The following AVEN variants were observed in gnomAD, a reference collection of about 807,000 sequenced individuals.
The protein encoded by AVEN is cell death regulator Aven.
In AVEN, 41 loss-of-function variants were observed where a neutral mutation model predicts 38.1. The ratio of observed to expected loss-of-function variants is 1.08; its 90% CI spans 0.84 to 1.40. AVEN has a LOEUF of 1.40. Ranked by LOEUF, AVEN falls within the 40% of genes most tolerant of loss-of-function variation. The probability of loss-of-function intolerance (pLI) is 0.00; values close to 1 mark genes in which losing one functional copy is unlikely to be tolerated. For missense variants in AVEN, 605 were observed against 438.8 expected (o/e 1.38, Z -3.38); for synonymous variants, 206 against 171.8 (o/e 1.20, Z -1.56).
chr15:33,867,273 C>T (rs1890629891), intron 5 of AVEN, among the ~76,000 whole-genome samples: 2 of 152,150 alleles, frequency 1.3e-5, no homozygotes, highest in South Asian at 4.1e-4. Flanking sequence ...TGCAGTCAGG[C>T]AGGTAGCAGC....
chr15:33,866,546 A>G lies in AVEN; in HGVS notation c.*67T>C. ...CTTGTAAACTGGCTGGTCCTGAAGGACAGCCTTATGCCCACCTGCCGTTAG... is the reference window on the plus strand; with the variant it reads ...CTTGTAAACTGGCTGGTCCTGAAGGGCAGCCTTATGCCCACCTGCCGTTAG... On this transcript the variant is annotated 3_prime_UTR_variant, in exon 6 of 6. Transcript: ENST00000306730. 1 of 1,212,306 alleles carries G rather than the reference A, an allele frequency of 8.2e-7. No individual in the cohort carries two copies. The highest frequency in any genetic ancestry group is 1.2e-6 in the Non-Finnish European group (1 of 824,658). 75.1% of individuals were successfully genotyped at this position (1,212,306 alleles called of 1,614,324 possible).
intron 2 of AVEN, among the ~76,000 whole-genome samples, chr15:33,954,062 C>T (rs1043303893): frequency 6.6e-6 from 1 of 152,312 alleles, no homozygotes; most frequent in African/African-American, 2.4e-5. Context: ...TGCTCATCAT[C>T]ACTGGTCATC....
intron 2 of AVEN, among the ~76,000 whole-genome samples, chr15:33,967,938 G>GAA (rs1567438808): frequency 1.9e-5 from 2 of 105,124 alleles, no homozygotes; most frequent in African/African-American, 3.4e-5. Context: ...CATACATTTA[G>GAA]GAAAAAAAAA....
chr15:33,901,049 G>C (rs973233525), intron 2 of AVEN, among the ~76,000 whole-genome samples: 1 of 152,142 alleles, frequency 6.6e-6, no homozygotes, highest in Non-Finnish European at 1.5e-5. Flanking sequence ...GGCACATCAC[G>C]AGGTCAGGAG....
At chr15:34,028,616 A>G (rs201495855) in intron 1 of AVEN, among the ~76,000 whole-genome samples, 1 of 152,224 alleles carries the variant, frequency 6.6e-6, no homozygotes. Context: ...GAGAGAGGAC[A>G]GCAAAGTGGC....
At chr15:33,936,987 C>A (rs1011249284) in intron 2 of AVEN, among the ~76,000 whole-genome samples, 1 of 151,314 alleles carries the variant, frequency 6.6e-6, no homozygotes, top group Non-Finnish European at 1.5e-5. Flanking sequence ...AAAAATTAGC[C>A]GGGCATGGTG....
chr15:33,912,524 G>C (rs73379543), intron 2 of AVEN, among the ~76,000 whole-genome samples: 3,327 of 152,288 alleles, frequency 0.022, 122 homozygotes, highest in African/African-American at 0.075. Context: ...AAAGGGCAAA[G>C]TACAATACAA....
chr15:33,854,523 G>A, downstream of AVEN: 1 of 1,302,220 alleles, frequency 7.7e-7, no homozygotes, highest in South Asian at 1.4e-5. Context: ...AGCTATGCAG[G>A]ATGCTCAGAA....
rs760999721 is a variant in AVEN at position 33,867,494 on chromosome 15, C to T, written c.973+1G>A. 6.4e-7 allele frequency: 1 copy of T among 1,564,034 alleles called. No individual in the cohort carries two copies. The highest frequency in any genetic ancestry group is 2.2e-5 in the East Asian group (1 of 44,602). On this transcript the variant is annotated splice_donor_variant, in intron 5 of 5. Coordinates refer to ENST00000306730, the MANE Select transcript of AVEN (RefSeq NM_020371.3). LOFTEE classifies it high-confidence loss of function. ...CACGGGGAATAAAATGAAAGCCATACCTTCTTCCTCTTGGACCACCTCCCC... is the reference window on the plus strand; with the variant it reads ...CACGGGGAATAAAATGAAAGCCATATCTTCTTCCTCTTGGACCACCTCCCC...
intron 2 of AVEN, 147 bp from the exon 3 acceptor site, chr15:33,876,142 C>A: frequency 1.5e-6 from 1 of 652,260 alleles, no homozygotes; most frequent in Non-Finnish European, 2.6e-6. Flanking sequence ...ATACCTCCAA[C>A]TCCATTTCCA....
At chr15:33,978,748 T>C (rs1896005033) in intron 2 of AVEN, among the ~76,000 whole-genome samples, 1 of 152,080 alleles carries the variant, frequency 6.6e-6, no homozygotes, top group South Asian at 2.1e-4. Flanking sequence ...AAAAACAGAA[T>C]TCGGCCTTAC....
In AVEN at chr15:33,920,351, C is replaced by G. The variant is rs142676414; in HGVS notation, c.446-44356G>C. Among the ~76,000 whole-genome samples, 1,325 of 152,292 alleles carry G rather than the reference C, an allele frequency of 8.7e-3. 23 individuals are homozygous for G. The highest frequency in any genetic ancestry group is 0.03 in the African/African-American group (1,260 of 41,560). On this transcript the variant is annotated intron_variant, in intron 2 of 5. Transcript: ENST00000306730. ...TTAAACAACTCATTTCCCCATCTCC[C>G]CAACCCCTAGCAACCACCATTCTAC... is the stretch of plus-strand genomic sequence containing the variant.
intron 2 of AVEN, among the ~76,000 whole-genome samples, chr15:33,940,108 T>C (rs1361973418): frequency 1.3e-5 from 2 of 152,182 alleles, no homozygotes; most frequent in Non-Finnish European, 2.9e-5. Context: ...CCTCCCAGCC[T>C]GCAGAATTAT....
chr15:33,936,548 A>C (rs193161572), intron 2 of AVEN, among the ~76,000 whole-genome samples: 66 of 152,358 alleles, frequency 4.3e-4, no homozygotes, highest in Non-Finnish European at 8.5e-4. Flanking sequence ...AATATTGTAA[A>C]GAAGTCAGTT....
chr15:33,988,698 A>G (rs1323611822), intron 2 of AVEN, among the ~76,000 whole-genome samples: 2 of 152,264 alleles, frequency 1.3e-5, no homozygotes, highest in East Asian at 3.8e-4. Flanking sequence ...ACACACAAGT[A>G]AAACACTGTA....
chr15:33,863,822 C>A (rs1889422922), downstream of AVEN, among the ~76,000 whole-genome samples: 2 of 152,046 alleles, frequency 1.3e-5, no homozygotes, highest in African/African-American at 2.4e-5. Context: ...TTTGGGCTAC[C>A]ATTTTATTGT....
In AVEN at chr15:33,985,748, A is replaced by G. The variant is rs8025796; in HGVS notation, c.445+17284T>C. 2.7e-3 allele frequency among the ~76,000 whole-genome samples: 406 copies of G among 152,266 alleles called. 2 individuals are homozygous for G. The highest frequency in any genetic ancestry group is 9.4e-3 in the African/African-American group (389 of 41,586). ...TATAAGCTAGAAATCTTGAGTTTGA[A>G]GCCAAAGACTACTGTTCCCAATTCT... On this transcript the variant is annotated intron_variant, in intron 2 of 5. Transcript: ENST00000306730.
Position 33,912,266 on chromosome 15 carries a change from T to C in AVEN, c.446-36271A>G, listed in dbSNP as rs114425078. Among the ~76,000 whole-genome samples, 1,313 of 152,284 alleles carry C rather than the reference T, an allele frequency of 8.6e-3. 21 individuals are homozygous for C. The highest frequency in any genetic ancestry group is 0.029 in the African/African-American group (1,198 of 41,548). Reference sequence around the variant, plus strand: ...CATAAATATTAGTGCTCCCTACACGTTGGCTGCCTACTGACTATTTGCAAT... The same window carrying C: ...CATAAATATTAGTGCTCCCTACACGCTGGCTGCCTACTGACTATTTGCAAT... On this transcript the variant is annotated intron_variant, in intron 2 of 5. Transcript: ENST00000306730.
At chr15:34,032,179 T>A (rs6495470) in intron 1 of AVEN, among the ~76,000 whole-genome samples, 6,925 of 152,166 alleles carry the variant, frequency 0.046, 539 homozygotes, top group African/African-American at 0.16. Flanking sequence ...TCAAAGTGCA[T>A]CAAGAAATAG....
Sources: gnomAD v4.1 joint callset for allele counts (sites outside exome capture counted in the v4.1 genomes callset) on GRCh38, gnomAD v4.1.1 for gene constraint, MANE v1.5 for transcripts, NCBI Gene and HGNC (gene_info 2026-07-23, HGNC 2026-07-21) for gene names.